The following CFAP47 variants were observed in gnomAD, a reference collection of about 807,000 sequenced individuals.
The protein encoded by CFAP47 is cilia and flagella associated protein 47.
CFAP47 carries 29 observed loss-of-function variants against 148.1 expected under a neutral mutation model. That is an observed-to-expected ratio of 0.20 (90% CI 0.15 to 0.27). CFAP47 has a LOEUF of 0.27. Ranked by LOEUF, CFAP47 falls within the 10% of genes least tolerant of loss-of-function variation. The pLI is 1.00. For missense variants in CFAP47, 1,872 were observed against 1,697.5 expected (o/e 1.10, Z -1.81); for synonymous variants, 664 against 577.3 (o/e 1.15, Z -2.15).
chrX:36,160,264 T>C (rs1324539200), intron 38 of CFAP47, among the ~76,000 whole-genome samples: 1 of 111,474 alleles, frequency 9.0e-6, no homozygotes, highest in African/African-American at 3.3e-5. Flanking sequence ...ATGTGTAATC[T>C]TATTTCCTCC....
At chrX:36,334,079 C>A (rs1602112854) in intron 57 of CFAP47, among the ~76,000 whole-genome samples, 1 of 111,687 alleles carries the variant, frequency 9.0e-6, no homozygotes, top group Non-Finnish European at 1.9e-5. Flanking sequence ...CTAAGGAATT[C>A]TTGCAATCAT....
chrX:35,999,997 G>C (rs1216087505), intron 19 of CFAP47, among the ~76,000 whole-genome samples: 1 of 110,473 alleles, frequency 9.1e-6, no homozygotes, highest in African/African-American at 3.3e-5. Context: ...GAGAGTTTGA[G>C]AAAAGTAAAA....
chrX:36,015,519 G>A (rs1342778942), intron 22 of CFAP47, among the ~76,000 whole-genome samples: 1 of 111,223 alleles, frequency 9.0e-6, no homozygotes, highest in East Asian at 2.8e-4. Context: ...CTGATATTAA[G>A]TTAAATCGTC....
intron 45 of CFAP47, among the ~76,000 whole-genome samples, chrX:36,223,473 C>T (rs1397811215): frequency 9.1e-6 from 1 of 110,437 alleles, no homozygotes; most frequent in Admixed American, 9.7e-5. Flanking sequence ...CTTAATTATT[C>T]ATTTTCTGAA....
chrX:36,301,054 T>C lies in CFAP47; in HGVS notation c.7863-18T>C. On this transcript the variant is annotated intron_variant, in intron 52 of 63. Transcript: ENST00000378653. ...AACTAAAACTGCTGACAAAATTTTG[T>C]GTATTTCTCTCCACCAGCATTATTT... is the stretch of plus-strand genomic sequence containing the variant. 9.7e-7 allele frequency: 1 copy of C among 1,032,498 alleles called. No individual in the cohort carries two copies. Among genetic ancestry groups the C allele is most frequent in the Non-Finnish European group, 1.3e-6 (1 of 753,030 alleles). The allele number at this position is 1,032,498 out of a possible 1,213,427, so 85.1% of individuals were successfully genotyped here.
chrX:35,952,149 G>T (rs758635905), intron 6 of CFAP47, among the ~76,000 whole-genome samples, 186 bp downstream of exon 6: 1 of 111,799 alleles, frequency 8.9e-6, no homozygotes, highest in South Asian at 3.7e-4. Flanking sequence ...TCTAAATATG[G>T]TTCTAAATAC....
rs11450233 is a variant in CFAP47, at chrX:36,341,037, C to CT, written c.8444-7075dup. ...GGTGCTAGTATATTTCTTTTCTTTT[C>CT]TTTTTTTTTTTTTTTTTGAGGCAAA... On this transcript the variant is annotated intron_variant, in intron 57 of 63. Coordinates refer to ENST00000378653, the MANE Select transcript of CFAP47 (RefSeq NM_001304548.2). 5.0e-3 allele frequency among the ~76,000 whole-genome samples: 447 copies of CT among 89,560 alleles called. 1 individual carries two copies. Among genetic ancestry groups the CT allele is most frequent in the African/African-American group, 9.9e-3 (228 of 23,082 alleles). 77.8% of individuals were successfully genotyped at this position (89,560 alleles called of 115,157 possible).
chrX:36,373,161 A>G (rs142696162), intron 62 of CFAP47, among the ~76,000 whole-genome samples: 1,876 of 111,308 alleles, frequency 0.017, 39 homozygotes, highest in African/African-American at 0.058. Flanking sequence ...TAATTATTCA[A>G]TCTCATGAAA....
chrX:36,183,910 A>G (rs1318317561), intron 40 of CFAP47, among the ~76,000 whole-genome samples: 2 of 111,661 alleles, frequency 1.8e-5, no homozygotes, highest in Non-Finnish European at 3.8e-5. Flanking sequence ...TAATGGTTAT[A>G]AGACCTGCTG....
intron 10 of CFAP47, among the ~76,000 whole-genome samples, chrX:35,970,192 G>A (rs1056262087): frequency 9.1e-6 from 1 of 109,384 alleles, no homozygotes; most frequent in African/African-American, 3.3e-5. Flanking sequence ...GAAAATATAT[G>A]GTGGGTAAAA....
chrX:35,990,668 T>C (rs1458309943), intron 16 of CFAP47, among the ~76,000 whole-genome samples: 1 of 111,514 alleles, frequency 9.0e-6, no homozygotes, highest in Non-Finnish European at 1.9e-5. Context: ...TAACACCTTG[T>C]ACATAGTTGT....
chrX:36,307,015 G>A (rs1569314000), intron 55 of CFAP47, 139 bp downstream of exon 55: 4 of 301,323 alleles, frequency 1.3e-5, no homozygotes, highest in Non-Finnish European at 1.7e-5. Context: ...AATGATTTTT[G>A]TAAAATAAAA....
intron 30 of CFAP47, among the ~76,000 whole-genome samples, chrX:36,088,207 A>G (rs1938122352): frequency 8.9e-6 from 1 of 111,869 alleles, no homozygotes; most frequent in East Asian, 2.8e-4. Context: ...GGAGGGGTGT[A>G]ATGTAGACCA....
chrX:36,376,922 G>A (rs1403861108), intron 62 of CFAP47, among the ~76,000 whole-genome samples: 2 of 109,399 alleles, frequency 1.8e-5, no homozygotes, highest in Non-Finnish European at 3.8e-5. Context: ...ATGGTTTCTA[G>A]CTTCATCCGT....
At chrX:35,962,055 T>G (rs1199067712) in intron 8 of CFAP47, among the ~76,000 whole-genome samples, 1 of 111,782 alleles carries the variant, frequency 8.9e-6, no homozygotes, top group Non-Finnish European at 1.9e-5. Context: ...TGAATTCCCC[T>G]TGTGGTTTTA....
chrX:36,272,493 A>AT (rs1556002021), intron 49 of CFAP47, among the ~76,000 whole-genome samples: 1 of 111,557 alleles, frequency 9.0e-6, no homozygotes, highest in African/African-American at 3.3e-5. Flanking sequence ...GCTCCTGCTC[A>AT]TTCCTCTCAT....
rs768225707 is a variant in CFAP47 at position 36,071,825 on chromosome X, A to G, written c.4319A>G (p.Asp1440Gly). The G allele has an allele frequency of 2.5e-6, 3 of 1,201,394 alleles. No individual in the cohort carries two copies. The highest frequency in any genetic ancestry group is 3.4e-6 in the Non-Finnish European group (3 of 891,229). Residue 1440 changes from aspartate to glycine, a missense_variant and splice_region_variant, in exon 28 of 64, where the codon GAT becomes GGT. Coordinates refer to ENST00000378653, the MANE Select transcript of CFAP47 (RefSeq NM_001304548.2). ...CTGTGATCCAATGTGTCATTTGTAG[A>G]TAAGGATGAATATCTTAAGAAGACT... ...LDKQNIILKN[D>G]KDEYLKKTRD...
chrX:36,004,718 T>C (rs1191524511), intron 21 of CFAP47, among the ~76,000 whole-genome samples: 1 of 109,017 alleles, frequency 9.2e-6, no homozygotes, highest in African/African-American at 3.3e-5. Context: ...ATCTATAGAG[T>C]AGATCAGTGG....
At position 36,299,104 on chromosome X, in the gene CFAP47, A is replaced by C. The variant is rs1556007354; in HGVS notation, c.7814A>C (p.Lys2605Thr). The C allele has an allele frequency of 2.7e-6, 3 of 1,119,450 alleles. No individual in the cohort carries two copies. The highest frequency in any genetic ancestry group is 4.4e-5 in the South Asian group (2 of 45,734). The allele number at this position is 1,119,450 out of a possible 1,213,427, so 92.3% of individuals were successfully genotyped here. A position where few individuals can be genotyped will look rare whatever the true frequency, so the allele number is the denominator to read the frequency against. ...ATCCTGAGTCCACTACAGTGCACCA[A>C]ATATATTGTATGGTATTCTCCAGCA... ...EIILSPLQCT[K>T]YIVWYSPATT... The change falls in exon 52 of 64, where the codon AAA becomes ACA. Residue 2605 changes from lysine to threonine, a missense_variant. Lys to Thr is a moderately conservative substitution (Grantham distance 78). Coordinates refer to ENST00000378653, the MANE Select transcript of CFAP47 (RefSeq NM_001304548.2).
Sources: allele counts gnomAD v4.1 joint callset (sites outside exome capture counted in the v4.1 genomes callset), GRCh38; gene constraint gnomAD v4.1.1; transcripts MANE v1.5; gene names NCBI Gene and HGNC (gene_info 2026-07-23, HGNC 2026-07-21).